Variants in TMEM9B observed in about 807,000 individuals in gnomAD.
TMEM9B encodes transmembrane protein 9B.
In TMEM9B, 8 loss-of-function variants were observed where a neutral mutation model predicts 23.5. The observed-to-expected ratio is 0.34, with a 90% CI of 0.20 to 0.61. TMEM9B has a LOEUF of 0.61. Among genes scored for constraint, TMEM9B ranks in the 20% least tolerant of loss-of-function variants. The pLI is 0.78. For missense variants in TMEM9B, 197 were observed against 252.3 expected (o/e 0.78, Z 1.49); for synonymous variants, 106 against 96.3 (o/e 1.10, Z -0.59).
chr11:8,961,753 AC>A (rs1211593873), intron 2 of TMEM9B, among the ~76,000 whole-genome samples: 9 of 152,238 alleles, frequency 5.9e-5, no homozygotes, highest in Non-Finnish European at 1.0e-4. Flanking sequence ...AGGCTTGCTA[AC>A]CTTCCACTGA....
Position 8,947,269 on chromosome 11 carries a change from G to A in TMEM9B, c.*1051C>T, listed in dbSNP as rs996911097. ...CAAAAGAGGGAGGAGGAAAAAACTA[G>A]GAGACATAGATAGATACACTGATGG... On this transcript the variant is annotated 3_prime_UTR_variant, in exon 5 of 5. Transcript: ENST00000534025. The A allele has an allele frequency of 1.1e-4, 17 of 152,496 alleles. No homozygotes were observed. The highest frequency in any genetic ancestry group is 4.1e-4 in the African/African-American group (17 of 41,382). 9.4% of individuals were successfully genotyped at this position (152,496 alleles called of 1,614,324 possible).
intron 4 of TMEM9B, among the ~76,000 whole-genome samples, chr11:8,949,420 A>G (rs1358854179): frequency 6.6e-6 from 1 of 152,188 alleles, no homozygotes; most frequent in Non-Finnish European, 1.5e-5. Flanking sequence ...CTTTTCCTTG[A>G]TCTCTTTTTC....
chr11:8,948,926 CT>C (rs1014086253), intron 4 of TMEM9B, among the ~76,000 whole-genome samples: 1 of 152,196 alleles, frequency 6.6e-6, no homozygotes, highest in African/African-American at 2.4e-5. Flanking sequence ...AAAGATCTGT[CT>C]TTTAATTTCC....
intron 1 of TMEM9B, 50 bp downstream of exon 1, chr11:8,964,159 C>A (rs1330245602): frequency 2.6e-6 from 4 of 1,531,630 alleles, no homozygotes; most frequent in Non-Finnish European, 2.6e-6. Flanking sequence ...TCCGCAAGGC[C>A]GGTGGTAGGG....
intron 2 of TMEM9B, among the ~76,000 whole-genome samples, chr11:8,961,761 C>T (rs1854087825): frequency 6.6e-6 from 1 of 152,190 alleles, no homozygotes; most frequent in African/African-American, 2.4e-5. Flanking sequence ...TAACCTTCCA[C>T]TGAAAAGCAA....
intron 2 of TMEM9B, among the ~76,000 whole-genome samples, chr11:8,961,698 A>G (rs1842458073): frequency 6.6e-6 from 1 of 152,228 alleles, no homozygotes; most frequent in African/African-American, 2.4e-5. Context: ...TTGGCAATAC[A>G]TCATCAAAAC....
intron 2 of TMEM9B, 72 bp downstream of exon 2, chr11:8,962,020 T>C: frequency 1.0e-6 from 1 of 966,116 alleles, no homozygotes. Flanking sequence ...ATGCATTTGA[T>C]GAACATTCTG....
intron 4 of TMEM9B, chr11:8,952,968 A>C (rs1299380468): frequency 1.7e-6 from 1 of 594,052 alleles, no homozygotes; most frequent in African/African-American, 1.9e-5. Context: ...ACTGAAAGCA[A>C]GGCCCTGTAT....
chr11:8,953,321 T>A lies in TMEM9B; in HGVS notation c.323A>T (p.Tyr108Phe), dbSNP rs975355453. Reference sequence around the variant, plus strand: ...AAGTAGAAGGCCCAAAATGGAGAGATAAATTATAATGGTAACCTAAAGGAA... The same window carrying A: ...AAGTAGAAGGCCCAAAATGGAGAGAAAAATTATAATGGTAACCTAAAGGAA... ...SVTIKVTIII[Y>F]LSILGLLLLY... Residue 108 changes from tyrosine (Y) to phenylalanine (F), a missense_variant, in exon 4 of 5, where the codon TAT (tyrosine) becomes TTT (phenylalanine). Physicochemically the swap from Tyr to Phe is conservative, Grantham distance 22. Coordinates refer to ENST00000534025, the MANE Select transcript of TMEM9B (RefSeq NM_020644.3). 6.2e-7 allele frequency: 1 copy of A among 1,613,834 alleles called. No individual in the cohort carries two copies. Among genetic ancestry groups the A allele is most frequent in the Non-Finnish European group, 8.5e-7 (1 of 1,179,954 alleles).
chr11:8,959,442 G>T (rs993995569), intron 2 of TMEM9B, among the ~76,000 whole-genome samples: 1 of 152,150 alleles, frequency 6.6e-6, no homozygotes, highest in Non-Finnish European at 1.5e-5. Context: ...CAGAATCCAG[G>T]ACTCCTGCTT....
chr11:8,948,120 G>C lies in TMEM9B; in HGVS notation c.*200C>G, dbSNP rs973359875. The C allele has an allele frequency of 1.1e-5, 6 of 544,540 alleles. No homozygotes were observed. The highest frequency in any genetic ancestry group is 9.5e-5 in the African/African-American group (5 of 52,776). 33.7% of individuals were successfully genotyped at this position (544,540 alleles called of 1,614,324 possible). A position where few individuals can be genotyped will look rare whatever the true frequency, so the allele number is the denominator to read the frequency against. On this transcript the variant is annotated 3_prime_UTR_variant, in exon 5 of 5. Coordinates refer to ENST00000534025, the MANE Select transcript of TMEM9B (RefSeq NM_020644.3). ...AGGAAAAGACTTATTGGCTGACTTT[G>C]AGCTGTGTGCTTTTAAAAATGTCTC...
At chr11:8,953,105 G>T in intron 4 of TMEM9B, 98 bp downstream of exon 4, 1 of 1,455,304 alleles carries the variant, frequency 6.9e-7, no homozygotes, top group Non-Finnish European at 9.7e-7. Flanking sequence ...ATCTGCTTCA[G>T]CACGTGAACA....
intron 1 of TMEM9B, chr11:8,962,897 T>C (rs1456219220): frequency 6.6e-6 from 1 of 152,304 alleles, no homozygotes; most frequent in Non-Finnish European, 1.5e-5. Flanking sequence ...AAGGGGAATC[T>C]GTTTGAGAAG....
rs1375520120 is a variant in TMEM9B, at chr11:8,948,298, T to G, written c.*22A>C. The G allele has an allele frequency of 3.1e-6, 5 of 1,606,974 alleles. No individual in the cohort carries two copies. The highest frequency in any genetic ancestry group is 4.3e-6 in the Non-Finnish European group (5 of 1,175,866). On this transcript the variant is annotated 3_prime_UTR_variant, in exon 5 of 5. Transcript: ENST00000534025. ...CAGTTGTCTGCCTGTTTCTTTCTAG[T>G]CACCTTGAATTCAATTCCCAATTAG...
chr11:8,955,707 C>T (rs1212147339), intron 3 of TMEM9B, among the ~76,000 whole-genome samples: 4 of 151,260 alleles, frequency 2.6e-5, no homozygotes, highest in Non-Finnish European at 5.9e-5. Context: ...AAGCTTTGCT[C>T]ACTTGCCCAC....
rs1006592938 is a variant in TMEM9B at position 8,957,064 on chromosome 11, C to T, written c.198-766G>A. The stretch of plus-strand genomic sequence containing the variant: ...AGTGTGGTGTATGAATGACTAACCA[C>T]GTTTAACAGCGTGGTAAATTCTGAA... On this transcript the variant is annotated intron_variant, in intron 2 of 4. Transcript: ENST00000534025. The surrounding 1 kb of genome is among the most constrained non-coding windows in gnomAD (Gnocchi z 4.3). Among the ~76,000 whole-genome samples the T allele has an allele frequency of 4.6e-5, 7 of 152,276 alleles. No homozygotes were observed. The highest frequency in any genetic ancestry group is 2.1e-4 in the South Asian group (1 of 4,830).
chr11:8,962,700 A>G (rs1233555026), intron 1 of TMEM9B: 1 of 153,376 alleles, frequency 6.5e-6, no homozygotes, highest in African/African-American at 2.4e-5. Flanking sequence ...CCCACCTACA[A>G]CTAGAAAGGA....
intron 3 of TMEM9B, 45 bp downstream of exon 3, chr11:8,956,145 G>A (rs761379414): frequency 1.1e-5 from 17 of 1,572,796 alleles, no homozygotes; most frequent in South Asian, 2.2e-5. Flanking sequence ...CAGAAAAGAC[G>A]TAGACAGACA....
intron 1 of TMEM9B, among the ~76,000 whole-genome samples, chr11:8,963,019 A>G (rs997865380): frequency 3.9e-5 from 6 of 152,228 alleles, no homozygotes; most frequent in African/African-American, 1.4e-4. Context: ...CTTAGTGAGC[A>G]TTTGCTCTGT....
Sources: gnomAD v4.1 joint callset for allele counts (sites outside exome capture counted in the v4.1 genomes callset) on GRCh38, gnomAD v4.1.1 for gene constraint, Gnocchi (gnomAD v3.1) non-coding constraint, MANE v1.5 for transcripts, NCBI Gene and HGNC (gene_info 2026-07-23, HGNC 2026-07-21) for gene names.